Variants in CDC25C observed in about 807,000 individuals in gnomAD.
The protein encoded by CDC25C is M-phase inducer phosphatase 3.
In CDC25C, 48 loss-of-function variants were observed where a neutral mutation model predicts 52.5. That is an observed-to-expected ratio of 0.91 (90% CI 0.72 to 1.16). The LOEUF (loss-of-function observed/expected upper bound fraction) is 1.16. CDC25C is among the 50% of genes most tolerant of loss of function. The pLI is 0.00. For synonymous variants in CDC25C, 187 were observed against 206.5 expected, an observed-to-expected ratio of 0.91 and a Z score of 0.81; for missense variants, 510 against 566.1, an observed-to-expected ratio of 0.90 and a Z score of 1.01.
chr5:138,286,053 C>G lies in CDC25C; in HGVS notation c.1241G>C (p.Gly414Ala). The G allele has an allele frequency of 5.0e-6, 8 of 1,613,978 alleles. No individual in the cohort carries two copies. The highest frequency in any genetic ancestry group is 6.8e-6 in the Non-Finnish European group (8 of 1,179,848). The change falls in exon 13 of 14, where the codon GGC (glycine) becomes GCC (alanine). Residue 414 changes from glycine (G) to alanine (A), a missense_variant. Transcript: ENST00000323760. ...TTCTGGAAAGAAGTCTCTGTAGCCG[C>G]CTTTAAGGATATATAGCTCTGGGTA... is the stretch of plus-strand genomic sequence containing the variant. ...LYYPELYILK[G>A]GYRDFFPEYM...
At chr5:138,312,611 T>C (rs1048173507) in intron 7 of CDC25C, among the ~76,000 whole-genome samples, 1 of 152,182 alleles carries the variant, frequency 6.6e-6, no homozygotes, top group African/African-American at 2.4e-5. Flanking sequence ...AAAAAAACCC[T>C]GTATCATTCC....
At chr5:138,295,164 G>A (rs546191220) in intron 7 of CDC25C, among the ~76,000 whole-genome samples, 1 of 152,256 alleles carries the variant, frequency 6.6e-6, no homozygotes, top group South Asian at 2.1e-4. Flanking sequence ...ATATGCATAG[G>A]TCTATTTCTC....
chr5:138,300,100 G>A (rs764201413), intron 7 of CDC25C, among the ~76,000 whole-genome samples: 9 of 152,136 alleles, frequency 5.9e-5, no homozygotes, highest in East Asian at 1.9e-4. Context: ...CTCAGGAGGC[G>A]GAGGTGGAAG....
At chr5:138,292,303 C>T (rs1756799728) in intron 7 of CDC25C, among the ~76,000 whole-genome samples, 187 bp from the exon 8 acceptor site, 1 of 151,950 alleles carries the variant, frequency 6.6e-6, no homozygotes, top group Admixed American at 6.6e-5. Flanking sequence ...TTTGAGAAGC[C>T]TTGGGTAGGC....
chr5:138,304,132 A>C (rs181551855), intron 7 of CDC25C, among the ~76,000 whole-genome samples: 152 of 152,090 alleles, frequency 1.0e-3, no homozygotes, highest in African/African-American at 3.5e-3. Flanking sequence ...AGTCCTGTTG[A>C]TTCTCTATCC....
chr5:138,303,148 C>T (rs1222535869), intron 7 of CDC25C, among the ~76,000 whole-genome samples: 1 of 152,162 alleles, frequency 6.6e-6, no homozygotes, highest in Non-Finnish European at 1.5e-5. Flanking sequence ...GGAACTTCCT[C>T]AACCTGATGA....
At chr5:138,291,887 G>T in intron 8 of CDC25C, 83 bp downstream of exon 8, 1 of 1,089,276 alleles carries the variant, frequency 9.2e-7, no homozygotes, top group Non-Finnish European at 1.3e-6. Context: ...GACAAAAAAG[G>T]CATAATAAAA....
chr5:138,302,260 G>A (rs1400545504), intron 7 of CDC25C, among the ~76,000 whole-genome samples: 2 of 151,726 alleles, frequency 1.3e-5, no homozygotes, highest in Admixed American at 1.3e-4. Context: ...GCCTCCCAAA[G>A]TGCTGGGATT....
chr5:138,285,788 A>G lies in CDC25C; in HGVS notation c.1326T>C (p.Thr442=). The G allele has an allele frequency of 6.2e-7, 1 of 1,614,134 alleles. No homozygotes were observed. The highest frequency in any genetic ancestry group is 8.5e-7 in the Non-Finnish European group (1 of 1,179,978). ...TCTGGCTTCGACACCTCAGCAACTC[A>G]GTCTTGTGGTCCTGATGATGCATAG... ...YCPMHHQDHK[T]ELLRCRSQSK... Residue 442 remains threonine, a synonymous_variant, in exon 14 of 14, where the codon ACT becomes ACC. Transcript: ENST00000323760.
At chr5:138,321,749 TCA>T (rs1759411485) in intron 6 of CDC25C, among the ~76,000 whole-genome samples, 2 of 29,558 alleles carry the variant, frequency 6.8e-5, no homozygotes, top group African/African-American at 1.6e-4. Context: ...AGACTCTGTC[TCA>T]AAAAAAAAAA....
intron 6 of CDC25C, among the ~76,000 whole-genome samples, chr5:138,320,577 T>G (rs1759285131): frequency 2.0e-5 from 3 of 151,992 alleles, no homozygotes; most frequent in African/African-American, 7.2e-5. Context: ...CCCAGCACTA[T>G]GGGAGGCTGA....
chr5:138,286,153 A>G lies in CDC25C; in HGVS notation c.1161-20T>C, dbSNP rs1193555800. 6.4e-7 allele frequency: 1 copy of G among 1,571,092 alleles called. No individual in the cohort carries two copies. The highest frequency in any genetic ancestry group is 1.1e-5 in the South Asian group (1 of 89,648). ...CGGCACCTTTAGAGAGAACCCAGAG[A>G]TGGGTGGGGTGGAAAGAAACAAGGT... On this transcript the variant is annotated intron_variant, in intron 12 of 13. Coordinates refer to ENST00000323760, the MANE Select transcript of CDC25C (RefSeq NM_001790.5).
intron 3 of CDC25C, 31 bp from the exon 4 acceptor site, chr5:138,328,560 G>C: frequency 1.9e-6 from 3 of 1,584,930 alleles, no homozygotes; most frequent in Non-Finnish European, 8.7e-7. Flanking sequence ...TCAGTAAAAG[G>C]AGTTATTCTT....
rs747628264 is a variant in CDC25C at position 138,331,219 on chromosome 5, C to G, written c.-38-1G>C. On this transcript the variant is annotated splice_acceptor_variant, in intron 1 of 13. Coordinates refer to ENST00000323760, the MANE Select transcript of CDC25C (RefSeq NM_001790.5). LOFTEE classifies it low-confidence loss of function (5UTR_SPLICE). Reference sequence around the variant, plus strand: ...TCACCAGGAGAAAAACAAAACCTAGCTAGGAGGAAAACGTCATCTAAATCG... The same window carrying G: ...TCACCAGGAGAAAAACAAAACCTAGGTAGGAGGAAAACGTCATCTAAATCG... 6.3e-7 allele frequency: 1 copy of G among 1,595,012 alleles called. No individual in the cohort carries two copies. The highest frequency in any genetic ancestry group is 8.6e-7 in the Non-Finnish European group (1 of 1,163,752).
chr5:138,315,448 C>T (rs900216446), intron 7 of CDC25C, among the ~76,000 whole-genome samples: 2 of 152,090 alleles, frequency 1.3e-5, no homozygotes, highest in Admixed American at 1.3e-4. Context: ...GTATTACAAA[C>T]TGCTCTTTAA....
chr5:138,289,347 A>T, intron 10 of CDC25C, 154 bp downstream of exon 10: 1 of 588,822 alleles, frequency 1.7e-6, no homozygotes, highest in Non-Finnish European at 3.1e-6. Context: ...AGAATGGGGA[A>T]AAAAATGAGT....
chr5:138,315,090 C>T (rs112796364), intron 7 of CDC25C, among the ~76,000 whole-genome samples: 58 of 151,940 alleles, frequency 3.8e-4, no homozygotes, highest in African/African-American at 1.2e-3. Flanking sequence ...CTCACCACCA[C>T]GCCCAGCTAA....
intron 7 of CDC25C, among the ~76,000 whole-genome samples, chr5:138,310,573 G>A (rs1317737261): frequency 6.6e-6 from 1 of 152,102 alleles, no homozygotes; most frequent in African/African-American, 2.4e-5. Flanking sequence ...CACAATAATA[G>A]TTAAGTACTA....
At chr5:138,326,132 A>G (rs966245616) in intron 4 of CDC25C, 78 bp from the exon 5 acceptor site, 1 of 1,458,590 alleles carries the variant, frequency 6.9e-7, no homozygotes, top group Non-Finnish European at 9.6e-7. Context: ...GGTGCATCCC[A>G]ACATTTTTCT....
Sources: allele counts gnomAD v4.1 joint callset (sites outside exome capture counted in the v4.1 genomes callset), GRCh38; gene constraint gnomAD v4.1.1; transcripts MANE v1.5; gene names NCBI Gene and HGNC (gene_info 2026-07-23, HGNC 2026-07-21).